The following GLIS3 variants were observed in gnomAD, a reference collection of about 807,000 sequenced individuals.
The protein encoded by GLIS3 is GLIS family zinc finger 3.
Under a neutral mutation model 78.6 loss-of-function variants are expected in GLIS3, and 53 were observed. The ratio of observed to expected loss-of-function variants is 0.67; its 90% confidence interval spans 0.54 to 0.85. GLIS3 has a LOEUF of 0.85. Among genes scored for constraint, GLIS3 ranks in the 40% least tolerant of loss-of-function variants. The pLI, the probability that GLIS3 is intolerant of heterozygous loss-of-function variation, is 0.00. For synonymous variants in GLIS3, 684 were observed against 509.9 expected, an observed-to-expected ratio of 1.34 and a Z score of -4.60; for missense variants, 1,703 against 1,231.1, an observed-to-expected ratio of 1.38 and a Z score of -5.74.
intron 8 of GLIS3, among the ~76,000 whole-genome samples, chr9:3,867,052 T>G (rs2130351231): frequency 6.6e-6 from 1 of 152,280 alleles, no homozygotes; most frequent in Non-Finnish European, 1.5e-5. Flanking sequence ...TGTGAGAGTG[T>G]TTGGGAAAAG....
the GLIS3 span, among the ~76,000 whole-genome samples, chr9:4,365,973 C>G: frequency 6.6e-6 from 1 of 152,192 alleles, no homozygotes; most frequent in African/African-American, 2.4e-5. Context: ...GTTTCAAACT[C>G]ACATTCTAAG....
At chr9:4,230,389 G>C (rs1215585424) in intron 2 of GLIS3, among the ~76,000 whole-genome samples, 1 of 152,132 alleles carries the variant, frequency 6.6e-6, no homozygotes, top group African/African-American at 2.4e-5. Flanking sequence ...AGATGGGAAG[G>C]GAGTCTGGCT....
At chr9:4,212,511 A>G (rs1019651483) in intron 2 of GLIS3, among the ~76,000 whole-genome samples, 4 of 152,228 alleles carry the variant, frequency 2.6e-5, no homozygotes, top group African/African-American at 9.7e-5. Flanking sequence ...CAGGCAAAAC[A>G]ATACAGCAGT....
chr9:3,914,185 A>G (rs474245), intron 6 of GLIS3, among the ~76,000 whole-genome samples: 135,995 of 152,158 alleles, frequency 0.89, 60,879 homozygotes, highest in African/African-American at 0.93. Flanking sequence ...TTGCTTTGTC[A>G]CCCAGGCTGG....
chr9:4,021,296 T>G (rs1205017634), intron 4 of GLIS3, among the ~76,000 whole-genome samples: 1 of 152,332 alleles, frequency 6.6e-6, no homozygotes, highest in East Asian at 1.9e-4. Flanking sequence ...TAATTCATAT[T>G]CATTTTTAAA....
At chr9:4,066,419 C>T (rs1827101868) in intron 4 of GLIS3, among the ~76,000 whole-genome samples, 1 of 152,148 alleles carries the variant, frequency 6.6e-6, no homozygotes, top group African/African-American at 2.4e-5. Context: ...ATTTTTCCAG[C>T]CACCTCCTGG....
chr9:4,277,407 T>C (rs1435865280), intron 2 of GLIS3, among the ~76,000 whole-genome samples: 2 of 152,178 alleles, frequency 1.3e-5, no homozygotes, highest in African/African-American at 2.4e-5. Context: ...AACATGAAAC[T>C]TGATGTATTA....
chr9:4,073,341 C>A (rs891268744), intron 4 of GLIS3, among the ~76,000 whole-genome samples: 1 of 152,188 alleles, frequency 6.6e-6, no homozygotes, highest in African/African-American at 2.4e-5. Flanking sequence ...CTGTATCTTC[C>A]AATCACCAGG....
chr9:4,150,491 T>C (rs867940477), intron 2 of GLIS3, among the ~76,000 whole-genome samples: 4 of 152,202 alleles, frequency 2.6e-5, no homozygotes, highest in South Asian at 4.1e-4. Context: ...TTCAGCCTGG[T>C]AAGATCACAT....
intron 6 of GLIS3, among the ~76,000 whole-genome samples, chr9:3,901,992 C>G (rs1191731976): frequency 1.3e-5 from 2 of 152,162 alleles, no homozygotes; most frequent in African/African-American, 4.8e-5. Flanking sequence ...TGCTTTTCTG[C>G]TTTCTATTAC....
At chr9:4,235,018 G>A (rs1269936928) in intron 2 of GLIS3, among the ~76,000 whole-genome samples, 1 of 152,140 alleles carries the variant, frequency 6.6e-6, no homozygotes, top group Non-Finnish European at 1.5e-5. Flanking sequence ...TGATGAGGGA[G>A]CCAGGCGCGG....
At chr9:3,994,546 T>C (rs1289921192) in intron 4 of GLIS3, among the ~76,000 whole-genome samples, 2 of 152,188 alleles carry the variant, frequency 1.3e-5, no homozygotes, top group African/African-American at 4.8e-5. Context: ...AACTAATAAT[T>C]ATTAAAATAT....
intron 4 of GLIS3, among the ~76,000 whole-genome samples, chr9:3,988,936 G>A (rs1301739778): frequency 2.6e-5 from 4 of 152,204 alleles, no homozygotes; most frequent in Non-Finnish European, 5.9e-5. Context: ...AGAAACTTTT[G>A]TTTGGTGAAA....
chr9:4,127,583 T>G (rs901595203), intron 2 of GLIS3, among the ~76,000 whole-genome samples: 4 of 152,244 alleles, frequency 2.6e-5, no homozygotes, highest in South Asian at 2.1e-4. Context: ...ATTCAATATC[T>G]TTAAAAATCT....
At chr9:4,187,301 C>T (rs1339370185) in intron 2 of GLIS3, among the ~76,000 whole-genome samples, 1 of 152,078 alleles carries the variant, frequency 6.6e-6, no homozygotes, top group Non-Finnish European at 1.5e-5. Flanking sequence ...AGATCAGATA[C>T]TTGTAGATAT....
chr9:4,027,204 T>G (rs938579454), intron 4 of GLIS3, among the ~76,000 whole-genome samples: 3 of 152,218 alleles, frequency 2.0e-5, no homozygotes, highest in African/African-American at 7.2e-5. Flanking sequence ...AAAGTACACA[T>G]TTATTTAACT....
At chr9:4,239,240 C>T (rs949214029) in intron 2 of GLIS3, among the ~76,000 whole-genome samples, 3 of 150,442 alleles carry the variant, frequency 2.0e-5, no homozygotes, top group Admixed American at 6.6e-5. Context: ...ATGGGTGCAG[C>T]ACACCAACAT....
At chr9:4,433,984 T>C in the GLIS3 span, among the ~76,000 whole-genome samples, 2 of 151,378 alleles carry the variant, frequency 1.3e-5, no homozygotes, top group East Asian at 3.9e-4. Context: ...TAATCCCAGC[T>C]ACTTGGGAGG....
chr9:4,229,577 A>G lies in GLIS3; in HGVS notation c.388+56461T>C, dbSNP rs181921273. 1.0e-3 allele frequency among the ~76,000 whole-genome samples: 153 copies of G among 152,348 alleles called. 1 individual carries two copies. The Middle Eastern group carries it at 0.014, about 14-fold the overall frequency. The stretch of plus-strand genomic sequence containing the variant: ...GGTACATTTAAAAGTGCCCTGAAGC[A>G]CGGATATTTTCTGGTTCTCTGGATT... On this transcript the variant is annotated intron_variant, in intron 2 of 10. Transcript: ENST00000381971.
Sources: allele counts gnomAD v4.1 joint callset (sites outside exome capture counted in the v4.1 genomes callset), GRCh38; gene constraint gnomAD v4.1.1; transcripts MANE v1.5; gene names NCBI Gene and HGNC (gene_info 2026-07-23, HGNC 2026-07-21).